The following FRMD4A variants were observed in gnomAD, a reference collection of about 807,000 sequenced individuals.
The protein encoded by FRMD4A is FERM domain-containing protein 4A.
In FRMD4A, 29 loss-of-function variants were observed where a neutral mutation model predicts 129.1. The ratio of observed to expected loss-of-function variants is 0.22; its 90% CI spans 0.17 to 0.31. The LOEUF (loss-of-function observed/expected upper bound fraction) is 0.31. FRMD4A is among the 10% of genes least tolerant of loss of function. The pLI is 1.00. For missense variants in FRMD4A, 1,272 were observed against 1,375.8 expected (o/e 0.92, Z 1.19); for synonymous variants, 634 against 571.6 (o/e 1.11, Z -1.56).
At chr10:14,185,803 C>G (rs1033872445) in intron 2 of FRMD4A, among the ~76,000 whole-genome samples, 1 of 152,068 alleles carries the variant, frequency 6.6e-6, no homozygotes, top group African/African-American at 2.4e-5. Flanking sequence ...TAGTCCTGGG[C>G]GGAATAGGGT....
chr10:14,104,082 C>T (rs1837452253), intron 2 of FRMD4A, among the ~76,000 whole-genome samples: 1 of 152,176 alleles, frequency 6.6e-6, no homozygotes, highest in African/African-American at 2.4e-5. Flanking sequence ...TTATGTGCTT[C>T]CCACATTCCA....
chr10:14,023,104 A>G (rs1354861768), intron 2 of FRMD4A, among the ~76,000 whole-genome samples: 1 of 151,884 alleles, frequency 6.6e-6, no homozygotes, highest in Non-Finnish European at 1.5e-5. Context: ...GTTTCTACTC[A>G]TACTTCTCAT....
intron 5 of FRMD4A, among the ~76,000 whole-genome samples, chr10:13,783,986 C>T (rs535728420): frequency 1.3e-5 from 2 of 152,042 alleles, no homozygotes; most frequent in Non-Finnish European, 2.9e-5. Flanking sequence ...AATGACCAGC[C>T]GCACTGAAGG....
At chr10:13,840,686 G>A (rs1036108498) in intron 3 of FRMD4A, among the ~76,000 whole-genome samples, 11 of 151,518 alleles carry the variant, frequency 7.3e-5, no homozygotes, top group African/African-American at 2.4e-4. Context: ...TATTAGGGAC[G>A]CTGAGGCATG....
chr10:13,748,176 C>T (rs1423533640), intron 8 of FRMD4A, among the ~76,000 whole-genome samples: 1 of 152,080 alleles, frequency 6.6e-6, no homozygotes, highest in Non-Finnish European at 1.5e-5. Flanking sequence ...TCCCCCAGGG[C>T]AGGATCTTAG....
chr10:13,659,195 C>T (rs555463818), intron 21 of FRMD4A, 128 bp downstream of exon 21: 64 of 876,776 alleles, frequency 7.3e-5, no homozygotes, highest in Admixed American at 4.2e-4. Flanking sequence ...TTTTTTATTC[C>T]GCTTCATTTA....
intron 15 of FRMD4A, among the ~76,000 whole-genome samples, chr10:13,681,564 ATATATG>A (rs1181577662): frequency 4.6e-5 from 7 of 151,964 alleles, no homozygotes; most frequent in Admixed American, 4.6e-4. Flanking sequence ...ATATGTATGT[ATATATG>A]TATATGTGTA....
At chr10:14,302,353 C>T (rs1264189358) in intron 2 of FRMD4A, among the ~76,000 whole-genome samples, 2 of 152,208 alleles carry the variant, frequency 1.3e-5, no homozygotes, top group Non-Finnish European at 2.9e-5. Flanking sequence ...CACAGTAAAA[C>T]ATGTCGCCTC....
intron 2 of FRMD4A, among the ~76,000 whole-genome samples, chr10:14,256,442 C>A (rs1589234109): frequency 6.6e-6 from 1 of 151,966 alleles, no homozygotes; most frequent in Non-Finnish European, 1.5e-5. Flanking sequence ...TATTTTAAAA[C>A]CCATCTTGAA....
chr10:14,168,580 A>G (rs1332091876), intron 2 of FRMD4A, among the ~76,000 whole-genome samples: 1 of 152,234 alleles, frequency 6.6e-6, no homozygotes, highest in African/African-American at 2.4e-5. Flanking sequence ...GTCATCTGCT[A>G]TTCCCACTTG....
Position 13,740,294 on chromosome 10 carries a change from G to A in FRMD4A, c.615-43C>T, listed in dbSNP as rs767601694. The A allele has an allele frequency of 6.7e-6, 9 of 1,352,878 alleles. No individual in the cohort carries two copies. In the Admixed American group the frequency reaches 8.5e-5, roughly 13 times the overall value. The allele number at this position is 1,352,878 out of a possible 1,614,324, so 83.8% of individuals were successfully genotyped here. A position where few individuals can be genotyped will look rare whatever the true frequency, so the allele number is the denominator to read the frequency against. On this transcript the variant is annotated intron_variant, in intron 10 of 24. Coordinates refer to ENST00000357447, the MANE Select transcript of FRMD4A (RefSeq NM_018027.5). ...AGATACACAAACACACACACAATGCGCAAAAGGCTAGTTATTCAGCAGATC... is the reference window on the plus strand; with the variant it reads ...AGATACACAAACACACACACAATGCACAAAAGGCTAGTTATTCAGCAGATC...
intron 2 of FRMD4A, among the ~76,000 whole-genome samples, chr10:14,122,518 G>T (rs913488361): frequency 1.3e-5 from 2 of 151,450 alleles, no homozygotes; most frequent in Non-Finnish European, 2.9e-5. Flanking sequence ...CTTGGCTTCT[G>T]GGGAGGCCTC....
intron 2 of FRMD4A, among the ~76,000 whole-genome samples, chr10:14,218,936 C>A (rs925842389): frequency 9.1e-6 from 1 of 110,134 alleles, no homozygotes; most frequent in South Asian, 3.1e-4. Context: ...GCCTGGGCAA[C>A]AAGAGTGAGA....
At chr10:14,031,946 G>A (rs1297902976) in intron 2 of FRMD4A, among the ~76,000 whole-genome samples, 1 of 151,816 alleles carries the variant, frequency 6.6e-6, no homozygotes, top group Non-Finnish European at 1.5e-5. Flanking sequence ...TCCCTTTAGA[G>A]TCAGCGGCCT....
At chr10:14,200,028 GTTT>G (rs11293134) in intron 2 of FRMD4A, among the ~76,000 whole-genome samples, 3 of 130,478 alleles carry the variant, frequency 2.3e-5, no homozygotes, top group East Asian at 2.2e-4. Context: ...AATTTGTTTT[GTTT>G]TTTTTTTTTT....
chr10:13,805,451 C>T (rs1421701113), intron 4 of FRMD4A, among the ~76,000 whole-genome samples: 1 of 150,898 alleles, frequency 6.6e-6, no homozygotes, highest in Non-Finnish European at 1.5e-5. Context: ...AAAAAAACCC[C>T]CAAAAAATCA....
chr10:14,035,457 A>T (rs939850577), intron 2 of FRMD4A, among the ~76,000 whole-genome samples: 1 of 152,074 alleles, frequency 6.6e-6, no homozygotes, highest in Non-Finnish European at 1.5e-5. Context: ...AAAAAAATGA[A>T]ACAAGCCAAA....
intron 2 of FRMD4A, among the ~76,000 whole-genome samples, chr10:14,314,511 G>T (rs560626239): frequency 2.6e-5 from 4 of 152,256 alleles, no homozygotes; most frequent in African/African-American, 7.2e-5. Flanking sequence ...TTCTGGGAGA[G>T]ATTTTCCTCC....
chr10:14,328,021 C>T (rs1308647304), intron 2 of FRMD4A, among the ~76,000 whole-genome samples: 1 of 152,096 alleles, frequency 6.6e-6, no homozygotes, highest in Non-Finnish European at 1.5e-5. Flanking sequence ...GAAGCAATTA[C>T]TTTGGGGTTT....
Sources: allele counts gnomAD v4.1 joint callset (sites outside exome capture counted in the v4.1 genomes callset), GRCh38; gene constraint gnomAD v4.1.1; transcripts MANE v1.5; gene names NCBI Gene and HGNC (gene_info 2026-07-23, HGNC 2026-07-21).